DGLUCY: variants seen among roughly 807,000 people sequenced by gnomAD.
DGLUCY encodes the protein D-glutamate cyclase.
Under a neutral mutation model 58.5 loss-of-function variants are expected in DGLUCY, and 58 were observed. The ratio of observed to expected loss-of-function variants is 0.99; its 90% CI spans 0.80 to 1.23. The LOEUF (loss-of-function observed/expected upper bound fraction) is 1.23. DGLUCY is among the 50% of genes most tolerant of loss of function. The pLI, the probability that DGLUCY is intolerant of heterozygous loss-of-function variation, is 0.00. For missense variants in DGLUCY, 779 were observed against 784.7 expected, an observed-to-expected ratio of 0.99 and a Z score of 0.09; for synonymous variants, 325 against 314.1, an observed-to-expected ratio of 1.03 and a Z score of -0.37.
chr14:91,209,859 C>G (rs938490693), intron 12 of DGLUCY, among the ~76,000 whole-genome samples: 10 of 152,082 alleles, frequency 6.6e-5, no homozygotes, highest in African/African-American at 2.4e-4. Flanking sequence ...AAAGATATGC[C>G]ATGTTAACAC....
intron 5 of DGLUCY, among the ~76,000 whole-genome samples, chr14:91,171,183 C>T (rs2048557208): frequency 6.6e-6 from 1 of 152,082 alleles, no homozygotes; most frequent in Non-Finnish European, 1.5e-5. Context: ...GATGAGGAAA[C>T]CGAGGTCTAA....
intron 1 of DGLUCY, among the ~76,000 whole-genome samples, chr14:91,069,676 T>G (rs2140025568): frequency 6.6e-6 from 1 of 152,134 alleles, no homozygotes; most frequent in Middle Eastern, 3.4e-3. Flanking sequence ...CCAGGCTGGG[T>G]TACAGAACAC....
At chr14:91,145,093 G>GT (rs1031520706) in intron 1 of DGLUCY, 5 of 152,154 alleles carry the variant, frequency 3.3e-5, no homozygotes, top group African/African-American at 7.2e-5. Context: ...AATGTTCAGC[G>GT]TGGGGGGTTA....
chr14:91,168,993 G>T (rs1009624753), intron 4 of DGLUCY, among the ~76,000 whole-genome samples: 1 of 151,938 alleles, frequency 6.6e-6, no homozygotes, highest in African/African-American at 2.4e-5. Context: ...AGGCTGAGGT[G>T]GGAGAATCAC....
chr14:91,187,344 C>T (rs1595872518), intron 8 of DGLUCY, among the ~76,000 whole-genome samples: 1 of 152,324 alleles, frequency 6.6e-6, no homozygotes, highest in East Asian at 1.9e-4. Context: ...TATAAGCCAG[C>T]GTCCTCTCAC....
chr14:91,158,067 T>C (rs2047766773), intron 2 of DGLUCY, among the ~76,000 whole-genome samples: 2 of 152,188 alleles, frequency 1.3e-5, no homozygotes, highest in South Asian at 2.1e-4. Flanking sequence ...CACAAGGTTA[T>C]GGAAAGCTTC....
chr14:91,079,359 C>CTT (rs1166257201), intron 1 of DGLUCY, among the ~76,000 whole-genome samples: 3 of 141,176 alleles, frequency 2.1e-5, no homozygotes, highest in Non-Finnish European at 4.7e-5. Flanking sequence ...CTTTTCTTTT[C>CTT]TTTTTTTTTT....
chr14:91,172,483 G>T (rs571085027), intron 5 of DGLUCY, among the ~76,000 whole-genome samples: 11 of 152,152 alleles, frequency 7.2e-5, no homozygotes, highest in Non-Finnish European at 1.5e-4. Context: ...CTTCATGGCT[G>T]GCAACAGAAA....
At chr14:91,219,692 C>G (rs902163917) in intron 13 of DGLUCY, among the ~76,000 whole-genome samples, 1 of 152,162 alleles carries the variant, frequency 6.6e-6, no homozygotes, top group Non-Finnish European at 1.5e-5. Flanking sequence ...GGCCCTTGGC[C>G]CAGGGGCACC....
intron 7 of DGLUCY, among the ~76,000 whole-genome samples, chr14:91,180,144 C>A (rs1259996890): frequency 6.6e-6 from 1 of 151,694 alleles, no homozygotes; most frequent in Non-Finnish European, 1.5e-5. Flanking sequence ...CCCTCCTTGG[C>A]CTCCCAAAGT....
intron 1 of DGLUCY, among the ~76,000 whole-genome samples, chr14:91,071,954 G>A (rs1221598510): frequency 6.6e-6 from 1 of 151,916 alleles, no homozygotes; most frequent in East Asian, 1.9e-4. Flanking sequence ...GGGAAGTGAG[G>A]GGAAAGGGCA....
intron 6 of DGLUCY, among the ~76,000 whole-genome samples, chr14:91,174,010 G>T (rs920377166): frequency 6.6e-6 from 1 of 152,050 alleles, no homozygotes; most frequent in Admixed American, 6.6e-5. Flanking sequence ...AGGATTAGAG[G>T]GTTGGGACTT....
rs2049140330 is a variant in DGLUCY at position 91,181,056 on chromosome 14, AGGT to A, written c.731-126_731-124del. 7.0e-6 allele frequency: 5 copies of A among 717,586 alleles called. No homozygotes were observed. The East Asian group carries it at 1.3e-4, about 19-fold the overall frequency. The allele number at this position is 717,586 out of a possible 1,614,324, so 44.5% of individuals were successfully genotyped here. A position where few individuals can be genotyped will look rare whatever the true frequency, so the allele number is the denominator to read the frequency against. On this transcript the variant is annotated intron_variant, in intron 7 of 13. Transcript: ENST00000256324. ...AGCTTATTCTGACCTTGGTGCCAGC[AGGT>A]GGTATAGGGAGTGCTTAGGCTGAGT...
At chr14:91,157,741 T>C (rs1437557435) in intron 2 of DGLUCY, 51 bp downstream of exon 2, 1 of 152,072 alleles carries the variant, frequency 6.6e-6, no homozygotes, top group Non-Finnish European at 1.5e-5. Flanking sequence ...TGGGTGACAC[T>C]GGGGTGCCTG....
chr14:91,175,421 C>T (rs1218217513), intron 6 of DGLUCY, among the ~76,000 whole-genome samples: 2 of 152,176 alleles, frequency 1.3e-5, no homozygotes, highest in South Asian at 2.1e-4. Flanking sequence ...GCAGTCAGTA[C>T]TTGCTAGCTT....
chr14:91,143,196 T>C (rs1041307735), intron 1 of DGLUCY, among the ~76,000 whole-genome samples: 5 of 151,276 alleles, frequency 3.3e-5, no homozygotes, highest in African/African-American at 7.3e-5. Context: ...CCCGGGTTCA[T>C]GCCATTCTCC....
At chr14:91,084,450 C>T (rs767184792) in intron 1 of DGLUCY, among the ~76,000 whole-genome samples, 1 of 152,052 alleles carries the variant, frequency 6.6e-6, no homozygotes, top group Non-Finnish European at 1.5e-5. Context: ...AGTGACCCAC[C>T]CATCTTGGCC....
intron 12 of DGLUCY, 32 bp from the exon 13 acceptor site, chr14:91,215,373 C>G (rs1886359877): frequency 6.3e-7 from 1 of 1,576,492 alleles, no homozygotes; most frequent in Admixed American, 1.8e-5. Flanking sequence ...ACTTTTCCAA[C>G]TCCATGATGG....
intron 1 of DGLUCY, among the ~76,000 whole-genome samples, chr14:91,131,846 G>C (rs2046041720): frequency 6.6e-6 from 1 of 152,034 alleles, no homozygotes. Flanking sequence ...GCCCAGGCTG[G>C]AGTGCAATGG....
Sources: allele counts gnomAD v4.1 joint callset (sites outside exome capture counted in the v4.1 genomes callset), GRCh38; gene constraint gnomAD v4.1.1; transcripts MANE v1.5; gene names NCBI Gene and HGNC (gene_info 2026-07-23, HGNC 2026-07-21).